Variants in PCDH9 observed in about 807,000 individuals in gnomAD.
PCDH9 encodes protocadherin-9.
PCDH9 carries 24 observed loss-of-function variants against 70.6 expected under a neutral mutation model. The observed-to-expected ratio is 0.34, with a 90% CI of 0.25 to 0.48. The LOEUF is 0.48. Among genes scored for constraint, PCDH9 ranks in the 20% least tolerant of loss-of-function variants. The pLI is 0.99. For missense variants in PCDH9, 1,281 were observed against 1,503.6 expected (o/e 0.85, Z 2.45); for synonymous variants, 562 against 558.5 (o/e 1.01, Z -0.09).
chr13:67,053,302 G>A (rs1332881538), intron 2 of PCDH9, among the ~76,000 whole-genome samples: 1 of 152,106 alleles, frequency 6.6e-6, no homozygotes, highest in East Asian at 1.9e-4. Flanking sequence ...CTATCCTCCA[G>A]GAACTGCAGA....
At chr13:66,810,767 T>C (rs1330810872) in intron 3 of PCDH9, among the ~76,000 whole-genome samples, 2 of 151,836 alleles carry the variant, frequency 1.3e-5, no homozygotes, top group Non-Finnish European at 2.9e-5. Flanking sequence ...CAGTAACAAC[T>C]ATAATTTTGG....
chr13:66,849,489 T>G (rs1231303406), intron 3 of PCDH9, among the ~76,000 whole-genome samples: 1 of 50,146 alleles, frequency 2.0e-5, no homozygotes, highest in African/African-American at 6.9e-5. Flanking sequence ...TAGGTAGGTA[T>G]ATATATATAT....
intron 4 of PCDH9, among the ~76,000 whole-genome samples, chr13:66,467,208 G>A (rs920101521): frequency 2.6e-5 from 4 of 152,064 alleles, no homozygotes; most frequent in South Asian, 2.1e-4. Context: ...TTAGATGTTC[G>A]CATATATTTT....
chr13:67,025,712 G>A (rs2084766291), intron 2 of PCDH9, among the ~76,000 whole-genome samples: 1 of 152,082 alleles, frequency 6.6e-6, no homozygotes, highest in South Asian at 2.1e-4. Flanking sequence ...CCAGTGTTGG[G>A]TATGTCTACT....
At chr13:66,847,181 C>T (rs1198820035) in intron 3 of PCDH9, among the ~76,000 whole-genome samples, 1 of 152,120 alleles carries the variant, frequency 6.6e-6, no homozygotes. Context: ...CATTTTCATA[C>T]ACCTAAATAT....
At chr13:66,353,194 C>T (rs1260093373) in intron 4 of PCDH9, among the ~76,000 whole-genome samples, 3 of 152,102 alleles carry the variant, frequency 2.0e-5, no homozygotes, top group Admixed American at 6.6e-5. Context: ...AGCAGCTGCA[C>T]TTACATACTG....
At chr13:66,331,170 C>T (rs1955935291) in intron 4 of PCDH9, among the ~76,000 whole-genome samples, 2 of 151,944 alleles carry the variant, frequency 1.3e-5, no homozygotes, top group Non-Finnish European at 2.9e-5. Flanking sequence ...TTTGCATATC[C>T]TGGAACATAT....
At chr13:66,727,771 C>T (rs1039888249) in intron 3 of PCDH9, among the ~76,000 whole-genome samples, 1 of 152,034 alleles carries the variant, frequency 6.6e-6, no homozygotes, top group African/African-American at 2.4e-5. Context: ...TTAATATAAA[C>T]TAGGTACAAA....
At chr13:66,606,448 A>G (rs975553652) in intron 4 of PCDH9, among the ~76,000 whole-genome samples, 4 of 152,104 alleles carry the variant, frequency 2.6e-5, no homozygotes, top group African/African-American at 9.7e-5. Context: ...GATGAAGGGA[A>G]TAGTACCGAG....
intron 3 of PCDH9, among the ~76,000 whole-genome samples, chr13:66,728,609 T>C (rs900856302): frequency 6.6e-6 from 1 of 152,120 alleles, no homozygotes; most frequent in Non-Finnish European, 1.5e-5. Flanking sequence ...CACATTTACC[T>C]AACTTTAATC....
chr13:66,990,319 G>T (rs2083975392), intron 2 of PCDH9, among the ~76,000 whole-genome samples: 1 of 151,670 alleles, frequency 6.6e-6, no homozygotes, highest in Admixed American at 6.6e-5. Context: ...GAAAACTTGA[G>T]TGACAGTACT....
chr13:66,799,320 G>C (rs1261719879), intron 3 of PCDH9, among the ~76,000 whole-genome samples: 1 of 152,162 alleles, frequency 6.6e-6, no homozygotes, highest in Non-Finnish European at 1.5e-5. Flanking sequence ...CAGTCAGCCT[G>C]TTGTGGGGAG....
chr13:66,402,070 G>C (rs1008023913), intron 4 of PCDH9, among the ~76,000 whole-genome samples: 10 of 152,226 alleles, frequency 6.6e-5, no homozygotes, highest in African/African-American at 2.4e-4. Context: ...GAGGGTTTCT[G>C]AGCAAATCTT....
chr13:66,552,254 C>T (rs1309835944), intron 4 of PCDH9, among the ~76,000 whole-genome samples: 1 of 152,146 alleles, frequency 6.6e-6, no homozygotes, highest in Non-Finnish European at 1.5e-5. Flanking sequence ...TTCCTGGATT[C>T]TAAATTATTC....
intron 2 of PCDH9, among the ~76,000 whole-genome samples, chr13:66,946,772 T>A (rs2083094814): frequency 6.6e-6 from 1 of 151,916 alleles, no homozygotes; most frequent in African/African-American, 2.4e-5. Context: ...CAAAAAAAAA[T>A]TCTAATAGAA....
chr13:66,543,561 C>T (rs550656921), intron 4 of PCDH9, among the ~76,000 whole-genome samples: 3 of 141,620 alleles, frequency 2.1e-5, no homozygotes, highest in Middle Eastern at 3.8e-3. Flanking sequence ...AGTGAGACTC[C>T]GTTTCAAAAA....
chr13:67,063,678 A>G (rs2085584605), intron 2 of PCDH9, among the ~76,000 whole-genome samples: 1 of 152,164 alleles, frequency 6.6e-6, no homozygotes, highest in African/African-American at 2.4e-5. Context: ...TCATGCATAG[A>G]GCCATTTGGG....
In PCDH9 at chr13:66,377,834, T is replaced by C. The variant is rs1425673460; in HGVS notation, c.3341-72806A>G. 2.0e-5 allele frequency among the ~76,000 whole-genome samples: 3 copies of C among 152,334 alleles called. No individual in the cohort carries two copies. The East Asian group carries it at 5.8e-4, about 29-fold the overall frequency. On this transcript the variant is annotated intron_variant, in intron 4 of 4. Coordinates refer to ENST00000377865, the MANE Select transcript of PCDH9 (RefSeq NM_203487.3). ...TTCTTGCTGTCAACCCTGTGTTATC[T>C]ATATGTCCGTCATTCTTTCACCTTA...
intron 2 of PCDH9, among the ~76,000 whole-genome samples, chr13:67,059,505 A>C (rs1220619094): frequency 6.6e-6 from 1 of 150,924 alleles, no homozygotes; most frequent in Admixed American, 6.6e-5. Context: ...GGTGATTGCA[A>C]ATGAAGTGGT....
Sources: allele counts gnomAD v4.1 joint callset (sites outside exome capture counted in the v4.1 genomes callset), GRCh38; gene constraint gnomAD v4.1.1; transcripts MANE v1.5; gene names NCBI Gene and HGNC (gene_info 2026-07-23, HGNC 2026-07-21).